Variants in TYW1B observed in about 807,000 individuals in gnomAD.
TYW1B encodes the protein tRNA-yW synthesizing protein 1 homolog B.
Under a neutral mutation model 86.9 loss-of-function variants are expected in TYW1B, and 73 were observed. The observed-to-expected ratio is 0.84, with a 90% CI of 0.70 to 1.02. TYW1B has a LOEUF of 1.02. TYW1B is among the 50% of genes least tolerant of loss of function. The probability of loss-of-function intolerance (pLI) is 0.00; values close to 1 mark genes in which losing one functional copy is unlikely to be tolerated. For missense variants in TYW1B, 637 were observed against 827.4 expected (o/e 0.77, Z 2.82); for synonymous variants, 248 against 292.8 (o/e 0.85, Z 1.56).
intron 7 of TYW1B, among the ~76,000 whole-genome samples, chr7:72,767,928 G>T (rs771541010): frequency 2.0e-5 from 3 of 151,954 alleles, no homozygotes; most frequent in African/African-American, 7.3e-5. Flanking sequence ...AATTCAAGAC[G>T]AATCACAGGC....
intron 7 of TYW1B, among the ~76,000 whole-genome samples, chr7:72,754,592 C>T (rs1787555847): frequency 6.6e-6 from 1 of 152,032 alleles, no homozygotes; most frequent in Admixed American, 6.6e-5. Context: ...CACATGCCAC[C>T]ATGTCTGGCT....
chr7:72,698,930 C>T (rs1237722445), intron 10 of TYW1B, among the ~76,000 whole-genome samples: 3 of 152,328 alleles, frequency 2.0e-5, no homozygotes, highest in South Asian at 2.1e-4. Flanking sequence ...GAACTTAATT[C>T]TCTTCAGGGG....
intron 12 of TYW1B, among the ~76,000 whole-genome samples, chr7:72,626,528 C>T (rs1479019400): frequency 6.6e-6 from 1 of 152,074 alleles, no homozygotes; most frequent in Non-Finnish European, 1.5e-5. Context: ...TTTAATGTTG[C>T]CAACAGGGAG....
Position 72,575,681 on chromosome 7 carries a change from A to G in TYW1B, c.1824T>C (p.Tyr608=), listed in dbSNP as rs1554428326. ...CCTGGATGAGCTCCTGGAAGCGGTT[A>G]TAATCGATCCATGTCCACCATTCAC... ...IGGEWWTWID[Y]NRFQELIQEY... is the part of the protein sequence containing the mutation. Residue 608 remains tyrosine, a synonymous_variant, in exon 14 of 14, where the codon TAT becomes TAC. Coordinates refer to ENST00000620995, the MANE Select transcript of TYW1B (RefSeq NM_001145440.3). The G allele has an allele frequency of 3.1e-6, 5 of 1,613,016 alleles. No homozygotes were observed. Among genetic ancestry groups the G allele is most frequent in the Non-Finnish European group, 3.4e-6 (4 of 1,179,198 alleles).
rs781845331 is a variant in TYW1B, at chr7:72,616,798, G to A, written c.1659C>T (p.Thr553=). 2.5e-6 allele frequency: 4 copies of A among 1,614,192 alleles called. No homozygotes were observed. In the East Asian group the frequency reaches 6.7e-5, roughly 27 times the overall value. ...CCTCATGCCAGGGCACATGGGCCAT[G>A]GTAAGACTGCTTGCTGAACTTTCTC... ...YCRESSASSL[T]MAHVPWHEEV... The change falls in exon 13 of 14, where the codon ACC becomes ACT. Residue 553 remains threonine, a synonymous_variant. Coordinates refer to ENST00000620995, the MANE Select transcript of TYW1B (RefSeq NM_001145440.3).
chr7:72,666,835 T>C (rs1813473654), intron 11 of TYW1B, among the ~76,000 whole-genome samples: 1 of 151,542 alleles, frequency 6.6e-6, no homozygotes, highest in Non-Finnish European at 1.5e-5. Context: ...ATCAAGACCA[T>C]CCTGGCTAAC....
intron 7 of TYW1B, among the ~76,000 whole-genome samples, chr7:72,769,415 T>C (rs1431791045): frequency 5.3e-5 from 8 of 152,238 alleles, no homozygotes; most frequent in East Asian, 1.9e-4. Flanking sequence ...ATTAAAACTA[T>C]AGAAAACTGC....
intron 13 of TYW1B, among the ~76,000 whole-genome samples, chr7:72,588,005 G>A (rs1158401609): frequency 2.6e-5 from 4 of 152,136 alleles, no homozygotes; most frequent in Non-Finnish European, 5.9e-5. Flanking sequence ...GTTCTTGCCG[G>A]TTGTAGCTAC....
chr7:72,622,676 A>G (rs1443234060), intron 12 of TYW1B, among the ~76,000 whole-genome samples: 32 of 151,862 alleles, frequency 2.1e-4, no homozygotes, highest in African/African-American at 6.8e-4. Flanking sequence ...GCACATACAC[A>G]TAACACATAC....
At chr7:72,739,337 G>A (rs2129571245) in intron 8 of TYW1B, among the ~76,000 whole-genome samples, 1 of 151,898 alleles carries the variant, frequency 6.6e-6, no homozygotes, top group East Asian at 2.0e-4. Flanking sequence ...CAGGCGCAGT[G>A]GCTCACTCCT....
At chr7:72,616,022 G>A (rs1310506893) in intron 13 of TYW1B, among the ~76,000 whole-genome samples, 1 of 152,132 alleles carries the variant, frequency 6.6e-6, no homozygotes, top group Non-Finnish European at 1.5e-5. Context: ...AACATATAAT[G>A]AGAAAGAATA....
chr7:72,710,920 C>T (rs1786647871), intron 10 of TYW1B, among the ~76,000 whole-genome samples: 1 of 152,164 alleles, frequency 6.6e-6, no homozygotes, highest in Non-Finnish European at 1.5e-5. Flanking sequence ...CACCTTTTTT[C>T]ACATCTTTGA....
intron 7 of TYW1B, 85 bp downstream of exon 7, chr7:72,777,331 T>A (rs1787973389): frequency 2.7e-6 from 4 of 1,494,110 alleles, no homozygotes; most frequent in Non-Finnish European, 3.7e-6. Context: ...GCTGCTGAGC[T>A]AATTAGAGAG....
At chr7:72,657,619 C>T (rs1183670878) in intron 11 of TYW1B, among the ~76,000 whole-genome samples, 8 of 152,110 alleles carry the variant, frequency 5.3e-5, no homozygotes, top group African/African-American at 1.9e-4. Context: ...AAGGGAATCT[C>T]CATTAGACTA....
intron 9 of TYW1B, among the ~76,000 whole-genome samples, chr7:72,727,165 G>T (rs1297012904): frequency 6.6e-6 from 1 of 152,104 alleles, no homozygotes; most frequent in Admixed American, 6.6e-5. Flanking sequence ...ATAATATTAC[G>T]AATGAGTGGC....
At chr7:72,787,047 G>A (rs373925236) in intron 6 of TYW1B, among the ~76,000 whole-genome samples, 339 of 151,930 alleles carry the variant, frequency 2.2e-3, no homozygotes, top group African/African-American at 7.6e-3. Flanking sequence ...TGGGGAATGT[G>A]TAAATGTAGG....
Position 72,808,096 on chromosome 7 carries a change from CAAA to C in TYW1B, c.433-743_433-741del, listed in dbSNP as rs3034181. 8.8e-5 allele frequency among the ~76,000 whole-genome samples: 8 copies of C among 90,694 alleles called. 1 individual carries two copies. Among genetic ancestry groups the C allele is most frequent in the Admixed American group, 6.2e-4 (5 of 8,068 alleles). The allele number at this position is 90,694 out of a possible 152,430, so 59.5% of individuals were successfully genotyped here. A position where few individuals can be genotyped will look rare whatever the true frequency, so the allele number is the denominator to read the frequency against. Reference sequence around the variant, plus strand: ...CCTGGGCAAGAGAGTGACTCTGTCTCAAAAAAAAAAAAAAAAAATTTACATATC... The same window carrying C: ...CCTGGGCAAGAGAGTGACTCTGTCTCAAAAAAAAAAAAAAATTTACATATC... On this transcript the variant is annotated intron_variant, in intron 4 of 13. Transcript: ENST00000620995.
chr7:72,707,439 G>A (rs538771358), intron 10 of TYW1B, among the ~76,000 whole-genome samples: 2 of 152,330 alleles, frequency 1.3e-5, no homozygotes, highest in African/African-American at 4.8e-5. Context: ...TTGTTAGTTA[G>A]TTTGAGATGG....
chr7:72,602,799 G>A (rs1811695735), intron 13 of TYW1B, among the ~76,000 whole-genome samples: 1 of 150,278 alleles, frequency 6.7e-6, no homozygotes, highest in Non-Finnish European at 1.5e-5. Flanking sequence ...GATAATCCTG[G>A]AGAATCTTGT....
Sources: gnomAD v4.1 joint callset for allele counts (sites outside exome capture counted in the v4.1 genomes callset) on GRCh38, gnomAD v4.1.1 for gene constraint, MANE v1.5 for transcripts, NCBI Gene and HGNC (gene_info 2026-07-23, HGNC 2026-07-21) for gene names.